Variants in LOC400499 observed in about 807,000 individuals in gnomAD.
At chr16:11,502,846 C>G in the LOC400499 span, among the ~76,000 whole-genome samples, 3 of 150,486 alleles carry the variant, frequency 2.0e-5, no homozygotes, top group Non-Finnish European at 4.4e-5. Context: ...GATCTCCTGA[C>G]CTTGTGATCT....
chr16:11,398,247 C>G, the LOC400499 span: 1 of 1,082,046 alleles, frequency 9.2e-7, no homozygotes, highest in African/African-American at 1.6e-5. Context: ...GTCTGGCTGC[C>G]TCGCTCACAC....
chr16:11,520,142 GA>G, the LOC400499 span, among the ~76,000 whole-genome samples: 1 of 152,202 alleles, frequency 6.6e-6, no homozygotes, highest in Non-Finnish European at 1.5e-5. Flanking sequence ...TTAGGATGAT[GA>G]AAAAGTTCTA....
At chr16:11,404,949 G>A in the LOC400499 span, 1 of 398,240 alleles carries the variant, frequency 2.5e-6, no homozygotes, top group Non-Finnish European at 4.4e-6. Flanking sequence ...TGCAGAGGAG[G>A]AAAAAGGGAA....
chr16:11,388,083 C>A, the LOC400499 span, among the ~76,000 whole-genome samples: 1 of 152,088 alleles, frequency 6.6e-6, no homozygotes, highest in African/African-American at 2.4e-5. Context: ...GTTGATGGGC[C>A]AGTAGAGAGG....
the LOC400499 span, among the ~76,000 whole-genome samples, chr16:11,497,596 G>T: frequency 6.6e-6 from 1 of 152,206 alleles, no homozygotes; most frequent in African/African-American, 2.4e-5. Flanking sequence ...TGTGGGGCAG[G>T]CTGGTGCCAC....
chr16:11,483,032 C>T, the LOC400499 span, among the ~76,000 whole-genome samples: 8 of 151,946 alleles, frequency 5.3e-5, no homozygotes, highest in Non-Finnish European at 8.8e-5. Context: ...CCAAAGAAGA[C>T]GTACAATAGC....
the LOC400499 span, among the ~76,000 whole-genome samples, chr16:11,517,869 G>A: frequency 6.6e-6 from 1 of 152,154 alleles, no homozygotes; most frequent in Non-Finnish European, 1.5e-5. Context: ...AGATGAAAGG[G>A]AAACTGCCAA....
chr16:11,374,222 A>C, the LOC400499 span, among the ~76,000 whole-genome samples: 71,678 of 151,950 alleles, frequency 0.47, 17,449 homozygotes, highest in Non-Finnish European at 0.54. Flanking sequence ...TTAGAATTTT[A>C]TCTCCTTAAG....
the LOC400499 span, among the ~76,000 whole-genome samples, chr16:11,418,843 C>T: frequency 2.0e-5 from 3 of 152,180 alleles, no homozygotes; most frequent in African/African-American, 4.8e-5. Context: ...GTAATTCCCT[C>T]CCATGCCACC....
the LOC400499 span, chr16:11,472,102 C>A: frequency 3.0e-6 from 1 of 337,872 alleles, no homozygotes; most frequent in Non-Finnish European, 5.3e-6. Context: ...TGCCAGTAAC[C>A]CCTACCAACA....
chr16:11,421,824 G>A, the LOC400499 span, among the ~76,000 whole-genome samples: 185 of 152,288 alleles, frequency 1.2e-3, no homozygotes, highest in African/African-American at 4.2e-3. Flanking sequence ...GGATTCCACT[G>A]GGGTGTTGAA....
At chr16:11,484,185 T>C in the LOC400499 span, among the ~76,000 whole-genome samples, 1 of 151,714 alleles carries the variant, frequency 6.6e-6, no homozygotes, top group Non-Finnish European at 1.5e-5. Flanking sequence ...TTTTTTGTAT[T>C]CTTAGTAGAG....
chr16:11,474,926 G>C, the LOC400499 span, among the ~76,000 whole-genome samples: 1 of 152,152 alleles, frequency 6.6e-6, no homozygotes, highest in Non-Finnish European at 1.5e-5. Context: ...AAAAAATTAA[G>C]CTGGAAGCTG....
the LOC400499 span, chr16:11,413,069 A>G: frequency 1.0e-5 from 4 of 396,412 alleles, no homozygotes; most frequent in African/African-American, 6.2e-5. Flanking sequence ...CCCTAAGCCC[A>G]GCATGGCCTG....
chr16:11,465,550 G>C, the LOC400499 span: 1 of 151,802 alleles, frequency 6.6e-6, no homozygotes, highest in Non-Finnish European at 1.5e-5. Context: ...CCCTAGAAAA[G>C]CACCTACTGA....
At chr16:11,477,020 C>T in the LOC400499 span, 1 of 400,302 alleles carries the variant, frequency 2.5e-6, no homozygotes, top group East Asian at 3.6e-5. Flanking sequence ...CCCCCAGCAG[C>T]CCCCTGCAGT....
the LOC400499 span, among the ~76,000 whole-genome samples, chr16:11,451,135 A>G: frequency 3.3e-5 from 5 of 152,150 alleles, no homozygotes; most frequent in African/African-American, 1.2e-4. Flanking sequence ...TTTACTTTCA[A>G]CTGCACGGAA....
the LOC400499 span, among the ~76,000 whole-genome samples, chr16:11,515,499 GTACGTACATACATACATACA>G: frequency 1.3e-5 from 2 of 150,814 alleles, no homozygotes; most frequent in African/African-American, 2.4e-5. Flanking sequence ...ACATACATAC[GTACGTACATACATACATACA>G]TACGTACATA....
the LOC400499 span, among the ~76,000 whole-genome samples, chr16:11,481,637 A>T: frequency 6.6e-6 from 1 of 150,650 alleles, no homozygotes; most frequent in African/African-American, 2.4e-5. Context: ...TTTATTTTTT[A>T]TTTTTATTTT....
Sources: allele counts gnomAD v4.1 joint callset (sites outside exome capture counted in the v4.1 genomes callset), GRCh38; gene constraint gnomAD v4.1.1; transcripts MANE v1.5.